FAM135B: variants seen among roughly 807,000 people sequenced by gnomAD.
The protein encoded by FAM135B is family with sequence similarity 135 member B, also known as protein FAM135B.
A neutral mutation model predicts 127.7 loss-of-function variants in FAM135B; 43 were observed. The ratio of observed to expected loss-of-function variants is 0.34; its 90% CI spans 0.26 to 0.43. The LOEUF is 0.43. Ranked by LOEUF, FAM135B falls within the 20% of genes least tolerant of loss-of-function variation. The pLI is 1.00. For missense variants in FAM135B, 1,558 were observed against 1,725.6 expected, an observed-to-expected ratio of 0.90 and a Z score of 1.72; for synonymous variants, 670 against 665.1, an observed-to-expected ratio of 1.01 and a Z score of -0.11.
chr8:138,375,188 T>C (rs186739724), intron 1 of FAM135B, among the ~76,000 whole-genome samples: 4 of 152,250 alleles, frequency 2.6e-5, no homozygotes, highest in Non-Finnish European at 1.5e-5. Flanking sequence ...GCAGAATGCA[T>C]CTATGCCCCA....
At chr8:138,368,880 T>C (rs1363670615) in intron 1 of FAM135B, among the ~76,000 whole-genome samples, 2 of 152,186 alleles carry the variant, frequency 1.3e-5, no homozygotes, top group Non-Finnish European at 2.9e-5. Flanking sequence ...GGAAAGAAGC[T>C]TAGTTGTATT....
chr8:138,267,626 A>G (rs1823041980), intron 3 of FAM135B, among the ~76,000 whole-genome samples: 2 of 151,936 alleles, frequency 1.3e-5, no homozygotes, highest in Non-Finnish European at 2.9e-5. Flanking sequence ...TACCTTGTAC[A>G]CTGTCTCTGG....
At chr8:138,454,393 G>A (rs1020550942) in intron 1 of FAM135B, among the ~76,000 whole-genome samples, 2 of 152,090 alleles carry the variant, frequency 1.3e-5, no homozygotes, top group South Asian at 2.1e-4. Flanking sequence ...GGCTTTTGAG[G>A]GATATTATAG....
intron 2 of FAM135B, among the ~76,000 whole-genome samples, chr8:138,327,588 T>C (rs991845419): frequency 2.0e-5 from 3 of 152,184 alleles, no homozygotes; most frequent in African/African-American, 4.8e-5. Flanking sequence ...AAGCTTTGTG[T>C]CCACATCATT....
At chr8:138,351,690 T>G (rs1184333586) in intron 2 of FAM135B, among the ~76,000 whole-genome samples, 3 of 149,172 alleles carry the variant, frequency 2.0e-5, no homozygotes, top group Admixed American at 2.0e-4. Context: ...GATCTTTTTT[T>G]TTTTTTTTTT....
intron 1 of FAM135B, among the ~76,000 whole-genome samples, chr8:138,491,308 G>A (rs990379246): frequency 1.3e-5 from 2 of 152,264 alleles, no homozygotes; most frequent in Admixed American, 1.3e-4. Flanking sequence ...AAAGTGAACA[G>A]CAGAACTCAA....
chr8:138,429,318 T>C (rs1457950147), intron 1 of FAM135B, among the ~76,000 whole-genome samples: 4 of 152,178 alleles, frequency 2.6e-5, no homozygotes, highest in Non-Finnish European at 4.4e-5. Context: ...AAAACTTGCA[T>C]GGTATATGAT....
intron 2 of FAM135B, among the ~76,000 whole-genome samples, chr8:138,352,104 G>T (rs570517637): frequency 1.3e-5 from 2 of 152,154 alleles, no homozygotes; most frequent in East Asian, 3.9e-4. Flanking sequence ...CCACATGAAG[G>T]CTGACTGATT....
intron 1 of FAM135B, among the ~76,000 whole-genome samples, chr8:138,431,875 G>C (rs1010360582): frequency 1.3e-5 from 2 of 152,188 alleles, no homozygotes; most frequent in African/African-American, 4.8e-5. Context: ...GAAGAGAAGA[G>C]AGCATCCTCC....
intron 1 of FAM135B, among the ~76,000 whole-genome samples, chr8:138,495,191 A>G (rs1208366421): frequency 6.6e-6 from 1 of 152,244 alleles, no homozygotes; most frequent in African/African-American, 2.4e-5. Flanking sequence ...TCCTCTCCAC[A>G]TCCCATTGGA....
At chr8:138,398,390 T>C (rs1208407993) in intron 1 of FAM135B, among the ~76,000 whole-genome samples, 1 of 152,222 alleles carries the variant, frequency 6.6e-6, no homozygotes, top group African/African-American at 2.4e-5. Flanking sequence ...TGATTTCATA[T>C]TAAATCTGCT....
chr8:138,394,165 A>G (rs1832738779), intron 1 of FAM135B, among the ~76,000 whole-genome samples: 1 of 152,144 alleles, frequency 6.6e-6, no homozygotes, highest in Admixed American at 6.5e-5. Flanking sequence ...TAGGGGACAT[A>G]CCCTCATATC....
chr8:138,390,642 A>G (rs564649243), intron 1 of FAM135B, among the ~76,000 whole-genome samples: 11 of 152,234 alleles, frequency 7.2e-5, no homozygotes, highest in Non-Finnish European at 1.2e-4. Context: ...ATGAATAAAT[A>G]AGTCCTCATT....
intron 1 of FAM135B, among the ~76,000 whole-genome samples, chr8:138,385,173 GCTC>G (rs1832116388): frequency 6.6e-6 from 1 of 152,138 alleles, no homozygotes; most frequent in South Asian, 2.1e-4. Flanking sequence ...GCTCAGAGCT[GCTC>G]CTCAATTTTC....
At position 138,386,102 on chromosome 8, in the gene FAM135B, G is replaced by C. The variant is rs137911695; in HGVS notation, c.-19-18100C>G. Among the ~76,000 whole-genome samples, 31 of 152,070 alleles carry C rather than the reference G, an allele frequency of 2.0e-4. 1 individual carries two copies. In the East Asian group the frequency reaches 6.0e-3, roughly 30 times the overall value. ...GTGGTGGTGCGCACCTGTAATCTCA[G>C]CTACTCAGGAGGCTGAGGCAGAAGA... On this transcript the variant is annotated intron_variant, in intron 1 of 19. Coordinates refer to ENST00000395297, the MANE Select transcript of FAM135B (RefSeq NM_015912.4).
intron 1 of FAM135B, among the ~76,000 whole-genome samples, chr8:138,452,462 T>C (rs1836549440): frequency 6.6e-6 from 1 of 151,966 alleles, no homozygotes; most frequent in Non-Finnish European, 1.5e-5. Flanking sequence ...AGTCTACAGA[T>C]AAAGAGTAGG....
chr8:138,250,779 C>T (rs1821637050), intron 6 of FAM135B, 62 bp downstream of exon 6: 1 of 1,583,704 alleles, frequency 6.3e-7, no homozygotes, highest in Non-Finnish European at 8.6e-7. Flanking sequence ...CTCCCTGCCC[C>T]TCTACCACAC....
intron 10 of FAM135B, among the ~76,000 whole-genome samples, chr8:138,177,787 T>C (rs957592527): frequency 6.6e-6 from 1 of 152,256 alleles, no homozygotes; most frequent in Non-Finnish European, 1.5e-5. Context: ...CAGTCATGTA[T>C]GTTCTCTGAA....
chr8:138,156,937 C>G (rs1412189649), intron 12 of FAM135B, among the ~76,000 whole-genome samples: 2 of 152,214 alleles, frequency 1.3e-5, no homozygotes, highest in East Asian at 3.9e-4. Context: ...TCCTCCCTAA[C>G]TCATTTTATG....
Sources: allele counts gnomAD v4.1 joint callset (sites outside exome capture counted in the v4.1 genomes callset), GRCh38; gene constraint gnomAD v4.1.1; transcripts MANE v1.5; gene names NCBI Gene and HGNC (gene_info 2026-07-23, HGNC 2026-07-21).